PAPPA2: variants seen among roughly 807,000 people sequenced by gnomAD.
The protein encoded by PAPPA2 is pappalysin 2, also known as pappalysin-2.
PAPPA2 carries 86 observed loss-of-function variants against 176.4 expected under a neutral mutation model. The observed-to-expected ratio is 0.49, with a 90% CI of 0.41 to 0.58. PAPPA2 has a LOEUF of 0.58. Ranked by LOEUF, PAPPA2 falls within the 20% of genes least tolerant of loss-of-function variation. The pLI is 0.00. For missense variants in PAPPA2, 2,073 were observed against 2,256.9 expected, an observed-to-expected ratio of 0.92 and a Z score of 1.65; for synonymous variants, 809 against 852.2, an observed-to-expected ratio of 0.95 and a Z score of 0.88.
At position 176,656,139 on chromosome 1, in the gene PAPPA2, A is replaced by G. The variant is rs190667397; in HGVS notation, c.1992-14831A>G. 2.9e-3 allele frequency among the ~76,000 whole-genome samples: 444 copies of G among 151,876 alleles called. 3 individuals carry two copies. The highest frequency in any genetic ancestry group is 7.8e-3 in the African/African-American group (322 of 41,498). On this transcript the variant is annotated intron_variant, in intron 3 of 22. Coordinates refer to ENST00000367662, the MANE Select transcript of PAPPA2 (RefSeq NM_020318.3). Reference sequence around the variant, plus strand: ...TGAGCACAGGTCCCAGCAACTTAACATATCATCTTGCATATTGTCAAGTGC... The same window carrying G: ...TGAGCACAGGTCCCAGCAACTTAACGTATCATCTTGCATATTGTCAAGTGC...
chr1:176,546,617 C>T (rs539741628), intron 1 of PAPPA2, among the ~76,000 whole-genome samples: 1 of 152,182 alleles, frequency 6.6e-6, no homozygotes, highest in South Asian at 2.1e-4. Flanking sequence ...GACTCAGTAG[C>T]AATAATTATT....
intron 1 of PAPPA2, among the ~76,000 whole-genome samples, chr1:176,513,155 GTC>G (rs1648714033): frequency 7.6e-6 from 1 of 131,850 alleles, no homozygotes; most frequent in African/African-American, 3.1e-5. Flanking sequence ...ATACATTTCT[GTC>G]TATCATCATC....
At chr1:176,827,010 T>C (rs1666885299) in intron 21 of PAPPA2, among the ~76,000 whole-genome samples, 1 of 152,244 alleles carries the variant, frequency 6.6e-6, no homozygotes, top group Admixed American at 6.5e-5. Context: ...ATTTGAACAG[T>C]CAATGTCATA....
chr1:176,595,799 C>T (rs1460489040), intron 3 of PAPPA2, among the ~76,000 whole-genome samples: 1 of 152,112 alleles, frequency 6.6e-6, no homozygotes, highest in African/African-American at 2.4e-5. Flanking sequence ...AGAGACAGTC[C>T]TCACAGAACT....
At chr1:176,487,262 C>A (rs919075135) in intron 1 of PAPPA2, among the ~76,000 whole-genome samples, 5 of 152,156 alleles carry the variant, frequency 3.3e-5, no homozygotes, top group Non-Finnish European at 5.9e-5. Flanking sequence ...CTAGAGACAT[C>A]ATTCCATGTG....
chr1:176,598,609 CTTGA>C (rs1305038113), intron 3 of PAPPA2, among the ~76,000 whole-genome samples: 1 of 151,910 alleles, frequency 6.6e-6, no homozygotes, highest in Non-Finnish European at 1.5e-5. Context: ...TCTTGATATT[CTTGA>C]TTGTTTTCAA....
At chr1:176,605,790 G>A (rs1236489986) in intron 3 of PAPPA2, among the ~76,000 whole-genome samples, 1 of 152,152 alleles carries the variant, frequency 6.6e-6, no homozygotes, top group Non-Finnish European at 1.5e-5. Flanking sequence ...CAGAGCTCCA[G>A]GTCTGCAAAT....
intron 10 of PAPPA2, among the ~76,000 whole-genome samples, chr1:176,709,539 T>A (rs1321676632): frequency 6.6e-6 from 1 of 152,188 alleles, no homozygotes; most frequent in Non-Finnish European, 1.5e-5. Flanking sequence ...CCGTGATACT[T>A]TAATATTTCA....
chr1:176,728,931 CTATT>C (rs1029864505), intron 12 of PAPPA2, among the ~76,000 whole-genome samples: 3 of 151,756 alleles, frequency 2.0e-5, no homozygotes, highest in African/African-American at 7.3e-5. Flanking sequence ...CCAATTATCT[CTATT>C]TAATTAAGAT....
At chr1:176,582,718 C>CT (rs1573076538) in intron 2 of PAPPA2, among the ~76,000 whole-genome samples, 2 of 151,754 alleles carry the variant, frequency 1.3e-5, no homozygotes, top group East Asian at 1.9e-4. Flanking sequence ...AGGTAATTTT[C>CT]TTTTTTTGCT....
intron 1 of PAPPA2, among the ~76,000 whole-genome samples, chr1:176,479,475 C>A (rs1224526389): frequency 2.0e-5 from 3 of 152,114 alleles, no homozygotes; most frequent in Admixed American, 6.5e-5. Context: ...AGGCAAGCAT[C>A]CCTAGGAAAT....
intron 3 of PAPPA2, among the ~76,000 whole-genome samples, chr1:176,638,615 T>C (rs945108466): frequency 2.0e-5 from 3 of 152,012 alleles, no homozygotes; most frequent in South Asian, 4.2e-4. Context: ...GAACCCTCCT[T>C]CATGGCGCAC....
At chr1:176,506,057 T>G (rs1282469807) in intron 1 of PAPPA2, among the ~76,000 whole-genome samples, 4 of 152,150 alleles carry the variant, frequency 2.6e-5, no homozygotes, top group Non-Finnish European at 2.9e-5. Context: ...TTCATTCTTC[T>G]GTGTGTGGCT....
At chr1:176,807,776 G>A (rs552005400) in intron 21 of PAPPA2, among the ~76,000 whole-genome samples, 40 of 152,106 alleles carry the variant, frequency 2.6e-4, no homozygotes, top group Middle Eastern at 6.8e-3. Context: ...GATTACAGGC[G>A]TGAGCCACCA....
At chr1:176,734,522 A>T (rs1662307400) in intron 12 of PAPPA2, among the ~76,000 whole-genome samples, 1 of 152,104 alleles carries the variant, frequency 6.6e-6, no homozygotes. Flanking sequence ...GGGCTCAAAC[A>T]TCAGAAGAAA....
chr1:176,665,399 T>A (rs879558153), intron 3 of PAPPA2, among the ~76,000 whole-genome samples: 3 of 152,112 alleles, frequency 2.0e-5, no homozygotes, highest in African/African-American at 4.8e-5. Context: ...CCTATTTCTC[T>A]GGGGAAAAGC....
intron 17 of PAPPA2, among the ~76,000 whole-genome samples, chr1:176,783,029 T>C (rs1366783039): frequency 6.6e-6 from 1 of 152,190 alleles, no homozygotes; most frequent in East Asian, 1.9e-4. Context: ...GAATCAGTGA[T>C]GGCTTTTAAG....
At chr1:176,668,774 A>G (rs1558507717) in intron 3 of PAPPA2, among the ~76,000 whole-genome samples, 1 of 152,180 alleles carries the variant, frequency 6.6e-6, no homozygotes, top group Non-Finnish European at 1.5e-5. Context: ...TTTTTAAAAT[A>G]TATTCTCTCC....
At chr1:176,667,624 T>G (rs1364685987) in intron 3 of PAPPA2, among the ~76,000 whole-genome samples, 1 of 152,068 alleles carries the variant, frequency 6.6e-6, no homozygotes, top group Non-Finnish European at 1.5e-5. Context: ...GAAGAGGCAG[T>G]GCAGTCAGGC....
Sources: allele counts gnomAD v4.1 joint callset (sites outside exome capture counted in the v4.1 genomes callset), GRCh38; gene constraint gnomAD v4.1.1; transcripts MANE v1.5; gene names NCBI Gene and HGNC (gene_info 2026-07-23, HGNC 2026-07-21).